NPAT: variants seen among roughly 807,000 people sequenced by gnomAD.
The protein encoded by NPAT is nuclear protein, coactivator of histone transcription, also known as protein NPAT.
In NPAT, 52 loss-of-function variants were observed where a neutral mutation model predicts 130.7. The observed-to-expected ratio is 0.40, with a 90% confidence interval of 0.32 to 0.50. The LOEUF (loss-of-function observed/expected upper bound fraction) is 0.50. NPAT is among the 20% of genes least tolerant of loss of function. The probability of loss-of-function intolerance (pLI) is 0.68; values close to 1 mark genes in which losing one functional copy is unlikely to be tolerated. For missense variants in NPAT, 1,687 were observed against 1,662.6 expected, an observed-to-expected ratio of 1.01 and a Z score of -0.26; for synonymous variants, 580 against 584.8, an observed-to-expected ratio of 0.99 and a Z score of 0.12.
At chr11:108,218,298 GAAGA>G (rs1266106835) in intron 1 of NPAT, among the ~76,000 whole-genome samples, 4 of 152,136 alleles carry the variant, frequency 2.6e-5, no homozygotes, top group East Asian at 1.9e-4. Flanking sequence ...CCGAAAAAGA[GAAGA>G]AAGGATAAGA....
At chr11:108,186,965 C>A (rs566647369) in intron 7 of NPAT, among the ~76,000 whole-genome samples, 39 of 152,110 alleles carry the variant, frequency 2.6e-4, no homozygotes, top group African/African-American at 9.2e-4. Context: ...GTCTTGAATT[C>A]AAAAAAATGA....
chr11:108,190,491 T>C lies in NPAT; in HGVS notation c.300A>G (p.Gln100=), dbSNP rs1280071509. The change falls in exon 5 of 18, where the codon CAA becomes CAG. Residue 100 remains glutamine (Q), a synonymous_variant. Coordinates refer to ENST00000278612, the MANE Select transcript of NPAT (RefSeq NM_002519.3). ...GACTGCCAGCAAACCTTGGGGAACT[T>C]TGCATGCTCCTAACAAAGAAAACAA... ...DHTLSQIRSM[Q]SSPRFAGSQR... 5.0e-6 allele frequency: 8 copies of C among 1,613,802 alleles called. No individual in the cohort carries two copies. Among genetic ancestry groups the C allele is most frequent in the Non-Finnish European group, 6.8e-6 (8 of 1,179,784 alleles).
intron 17 of NPAT, 136 bp from the exon 18 acceptor site, chr11:108,159,155 A>T: frequency 1.6e-6 from 1 of 616,026 alleles, no homozygotes; most frequent in Non-Finnish European, 2.9e-6. Flanking sequence ...TTAGAATTTT[A>T]CTTCTATAGA....
chr11:108,204,780 G>T (rs143284146), intron 1 of NPAT, among the ~76,000 whole-genome samples: 2 of 152,220 alleles, frequency 1.3e-5, no homozygotes, highest in Non-Finnish European at 2.9e-5. Flanking sequence ...TGGATGGCAC[G>T]AAGGAGACAG....
chr11:108,199,025 G>GGACTGAAGCA (rs1325150703), intron 1 of NPAT, among the ~76,000 whole-genome samples: 3 of 152,210 alleles, frequency 2.0e-5, no homozygotes, highest in Non-Finnish European at 4.4e-5. Context: ...GGCCAGCCCA[G>GGACTGAAGCA]GACTGAAGCA....
intron 17 of NPAT, among the ~76,000 whole-genome samples, chr11:108,160,562 C>CT (rs752338005): frequency 1.3e-4 from 14 of 109,938 alleles, no homozygotes; most frequent in African/African-American, 3.7e-4. Flanking sequence ...GAAAGAAAAA[C>CT]TTTTTCTTTT....
At chr11:108,199,787 T>G (rs1044374448) in intron 1 of NPAT, among the ~76,000 whole-genome samples, 1 of 152,198 alleles carries the variant, frequency 6.6e-6, no homozygotes, top group African/African-American at 2.4e-5. Context: ...GGCATCTGGC[T>G]GAGGCTACAC....
At chr11:108,174,789 T>C (rs934805920) in intron 12 of NPAT, among the ~76,000 whole-genome samples, 4 of 151,954 alleles carry the variant, frequency 2.6e-5, no homozygotes, top group African/African-American at 7.3e-5. Context: ...TGGCTAGCTT[T>C]TGTATTTTTA....
chr11:108,171,147 T>G (rs2077946659), intron 13 of NPAT: 1 of 146,260 alleles, frequency 6.8e-6, no homozygotes, highest in African/African-American at 2.6e-5. Flanking sequence ...TTTTTTTTTT[T>G]GGAGACAGAG....
In NPAT at chr11:108,192,163, A is replaced by T; in HGVS notation, c.245T>A (p.Met82Lys). Residue 82 changes from methionine (M) to lysine (K), a missense_variant, in exon 4 of 18, where the codon ATG (methionine) becomes AAG (lysine). By Grantham distance (95) the Met-to-Lys change is moderately conservative (BLOSUM62 -1). This residue lies in a region of NPAT where 307 missense variants were observed against 298.9 expected (regional missense o/e 1.03). Coordinates refer to ENST00000278612, the MANE Select transcript of NPAT (RefSeq NM_002519.3). ...GTCCAATTTCTTCCATAGAGATGAC[A>T]TTATTGCTGGGACATTATTTGATGT... ...KETSNNVPAI[M>K]SSLWKKLDHT... The T allele has an allele frequency of 6.2e-7, 1 of 1,606,700 alleles. No individual in the cohort carries two copies. Among genetic ancestry groups the T allele is most frequent in the South Asian group, 1.1e-5 (1 of 90,928 alleles).
chr11:108,159,018 T>A lies in NPAT; in HGVS notation c.4208A>T (p.Lys1403Ile), dbSNP rs1344929047. Reference protein sequence around the residue: ...SIPMKKKKIKKKKLPSSFPAG... With the variant: ...SIPMKKKKIKIKKLPSSFPAG... The stretch of plus-strand genomic sequence containing the variant: ...TGGAAATGAACTGGGAAGCTTCTTT[T>A]TCTGTTGAAAAAGAGAAAGAAAAAA... Residue 1403 changes from lysine to isoleucine, a missense_variant and splice_region_variant, in exon 18 of 18, where the codon AAA becomes ATA. This residue lies in a region of NPAT where 1,379 missense variants were observed against 1,346.6 expected (regional missense o/e 1.02). Coordinates refer to ENST00000278612, the MANE Select transcript of NPAT (RefSeq NM_002519.3). The A allele has an allele frequency of 6.2e-7, 1 of 1,601,922 alleles. No homozygotes were observed. The highest frequency in any genetic ancestry group is 1.3e-5 in the African/African-American group (1 of 74,890).
intron 15 of NPAT, among the ~76,000 whole-genome samples, chr11:108,164,146 A>T (rs888325912): frequency 5.9e-5 from 9 of 152,258 alleles, no homozygotes; most frequent in Non-Finnish European, 1.3e-4. Flanking sequence ...GATGGAAAAT[A>T]AAACCACTAG....
chr11:108,173,959 T>C (rs2077980773), intron 12 of NPAT, 108 bp from the exon 13 acceptor site: 6 of 913,982 alleles, frequency 6.6e-6, no homozygotes, highest in Non-Finnish European at 1.1e-5. Flanking sequence ...CATCTTTGCA[T>C]ACCAGTAAGT....
chr11:108,211,707 A>G (rs2078385267), intron 1 of NPAT, among the ~76,000 whole-genome samples: 1 of 152,238 alleles, frequency 6.6e-6, no homozygotes, highest in Non-Finnish European at 1.5e-5. Flanking sequence ...AACGTAAAAG[A>G]CGAAAGTCAC....
Position 108,172,760 on chromosome 11 carries a change from C to T in NPAT, c.2224G>A (p.Val742Ile), listed in dbSNP as rs772014423. 1.9e-6 allele frequency: 3 copies of T among 1,613,574 alleles called. No individual in the cohort carries two copies. In the Admixed American group the frequency reaches 5.0e-5, roughly 27 times the overall value. The change falls in exon 13 of 18, where the codon GTT becomes ATT. Residue 742 changes from valine to isoleucine, a missense_variant. By Grantham distance (29) the Val-to-Ile change is conservative. This residue lies in a region of NPAT where 1,379 missense variants were observed against 1,346.6 expected (regional missense o/e 1.02). Transcript: ENST00000278612. ...IDASNIVSLK[V>I]IISDDPFVSS... Reference sequence around the variant, plus strand: ...ACAAATGGATCATCACTAATGATAACTTTGAGAGAGACGATATTTGATGCA... The same window carrying T: ...ACAAATGGATCATCACTAATGATAATTTTGAGAGAGACGATATTTGATGCA...
At chr11:108,166,885 A>G (rs1444146633) in intron 15 of NPAT, among the ~76,000 whole-genome samples, 1 of 152,196 alleles carries the variant, frequency 6.6e-6, no homozygotes, top group Admixed American at 6.5e-5. Flanking sequence ...TACACTGTTA[A>G]ATTTTCAAAT....
intron 1 of NPAT, among the ~76,000 whole-genome samples, chr11:108,215,796 G>A (rs916547837): frequency 6.6e-6 from 1 of 152,118 alleles, no homozygotes; most frequent in Non-Finnish European, 1.5e-5. Context: ...CTAATAAGAA[G>A]AAACAAACAA....
rs753841827 is a variant in NPAT at position 108,173,290 on chromosome 11, T to C, written c.1694A>G (p.His565Arg). Residue 565 changes from histidine to arginine, a missense_variant, in exon 13 of 18, where the codon CAT becomes CGT. Transcript: ENST00000278612. ...ACTAGAATCTGATGACTTGGAACCA[T>C]GAAAATTAATTTTAAGTTTTACTGT... Reference protein sequence around the residue: ...NDTVKLKINFHGSKSSDSSEV... With the variant: ...NDTVKLKINFRGSKSSDSSEV... The C allele has an allele frequency of 3.7e-6, 6 of 1,612,006 alleles. No individual in the cohort carries two copies. Among genetic ancestry groups the C allele is most frequent in the East Asian group, 2.2e-5 (1 of 44,852 alleles).
At chr11:108,194,040 T>C (rs748013500) in intron 2 of NPAT, 23 bp from the exon 3 acceptor site, 1 of 1,246,146 alleles carries the variant, frequency 8.0e-7, no homozygotes, top group East Asian at 2.3e-5. Context: ...AGATCAAATA[T>C]TACCAAAATT....
Sources: gnomAD v4.1 joint callset for allele counts (sites outside exome capture counted in the v4.1 genomes callset) on GRCh38, gnomAD v4.1.1 for gene constraint, gnomAD v4.1.1 regional missense constraint, MANE v1.5 for transcripts, NCBI Gene and HGNC (gene_info 2026-07-23, HGNC 2026-07-21) for gene names.